Variants in BUD31 observed in about 807,000 individuals in gnomAD.
BUD31 encodes BUD31 spliceosome associated protein.
Under a neutral mutation model 17.9 loss-of-function variants are expected in BUD31, and 9 were observed. The ratio of observed to expected loss-of-function variants is 0.50; its 90% CI spans 0.30 to 0.88. The LOEUF is 0.88. Among genes scored for constraint, BUD31 ranks in the 40% least tolerant of loss-of-function variants. BUD31 has a pLI of 0.06. For missense variants in BUD31, 148 were observed against 184.5 expected (o/e 0.80, Z 1.15); for synonymous variants, 70 against 64.7 (o/e 1.08, Z -0.39).
Position 99,409,059 on chromosome 7 carries a change from C to T in BUD31, c.-352C>T, listed in dbSNP as rs986471645. 1.3e-5 allele frequency: 2 copies of T among 152,340 alleles called. No individual in the cohort carries two copies. Among genetic ancestry groups the T allele is most frequent in the Non-Finnish European group, 2.9e-5 (2 of 68,152 alleles). 9.4% of individuals were successfully genotyped at this position (152,340 alleles called of 1,614,324 possible). On this transcript the variant is annotated 5_prime_UTR_variant, in exon 1 of 6. Transcript: ENST00000222969. ...CTTGGCAACGGCTGAGGCGGGAGAC[C>T]GGTGGTCTGCACCGTCCTGGAGGGA...
At chr7:99,419,310 G>C in intron 5 of BUD31, 81 bp from the exon 6 acceptor site, 1 of 1,533,942 alleles carries the variant, frequency 6.5e-7, no homozygotes. Context: ...CAGGTCCTTC[G>C]TGGGAGGGTT....
intron 2 of BUD31, among the ~76,000 whole-genome samples, chr7:99,410,519 C>A (rs1011974401): frequency 4.6e-5 from 7 of 152,034 alleles, no homozygotes; most frequent in African/African-American, 1.7e-4. Flanking sequence ...GAATTACAGG[C>A]ATGAGCCACC....
rs374935741 is a variant in BUD31, at chr7:99,416,226, C to T, written c.183C>T (p.Phe61=). The T allele has an allele frequency of 6.8e-6, 11 of 1,613,992 alleles. No individual in the cohort carries two copies. The highest frequency in any genetic ancestry group is 6.7e-5 in the East Asian group (3 of 44,874). The change falls in exon 4 of 6, where the codon TTC becomes TTT. Residue 61 remains phenylalanine (F), a synonymous_variant. Transcript: ENST00000222969. ...ACCACCAGAAAACCCGCTACATCTT[C>T]GACCTCTTTTACAAGCGGAAAGCCA... The part of the protein sequence containing the change: ...RIHHQKTRYI[F]DLFYKRKAIS...
chr7:99,419,524 G>A lies in BUD31; in HGVS notation c.*83G>A, dbSNP rs1026103588. 100 of 1,514,172 alleles carry A rather than the reference G, an allele frequency of 6.6e-5. No individual in the cohort carries two copies. Among genetic ancestry groups the A allele is most frequent in the African/African-American group, 5.5e-4 (40 of 72,950 alleles). The allele number at this position is 1,514,172 out of a possible 1,614,324, so 93.8% of individuals were successfully genotyped here. ...CCCCTTCCTGGGAGCAGCGAGCAGT[G>A]CCCCAGGCCCGAGTTGGAGCACGGT... is the stretch of plus-strand genomic sequence containing the variant. On this transcript the variant is annotated 3_prime_UTR_variant, in exon 6 of 6. Coordinates refer to ENST00000222969, the MANE Select transcript of BUD31 (RefSeq NM_003910.4).
rs201819684 is a variant in BUD31, at chr7:99,415,250, A to AC, written c.95-886dup. ...CAAAGGGGCAGGATAAGCAGTGTGA[A>AC]CCATCTCCAATGATAGGTAAGGCCA... On this transcript the variant is annotated intron_variant, in intron 3 of 5. Transcript: ENST00000222969. The AC allele has an allele frequency of 3.5e-3, 1,614 of 456,238 alleles. 26 individuals are homozygous for AC. The highest frequency in any genetic ancestry group is 0.029 in the African/African-American group (1,433 of 50,068). The allele number at this position is 456,238 out of a possible 1,614,324, so 28.3% of individuals were successfully genotyped here. A position where few individuals can be genotyped will look rare whatever the true frequency, so the allele number is the denominator to read the frequency against.
At chr7:99,417,905 A>G in intron 5 of BUD31, 1 of 1,317,916 alleles carries the variant, frequency 7.6e-7, no homozygotes, top group Non-Finnish European at 9.8e-7. Flanking sequence ...ACATCAGGGA[A>G]GGACAACCAG....
At position 99,411,885 on chromosome 7, in the gene BUD31, T is replaced by A. The variant is rs112720444; in HGVS notation, c.94+699T>A. The stretch of plus-strand genomic sequence containing the variant: ...CCATGCCCGGCTAATTTTTGTATTT[T>A]TAGTAGAGATGGGTTTCTCCATGTT... On this transcript the variant is annotated intron_variant, in intron 3 of 5. Coordinates refer to ENST00000222969, the MANE Select transcript of BUD31 (RefSeq NM_003910.4). The A allele has an allele frequency of 3.1e-3, 1,057 of 345,578 alleles. 13 individuals carry two copies. Among genetic ancestry groups the A allele is most frequent in the African/African-American group, 0.022 (1,004 of 45,708 alleles). 21.4% of individuals were successfully genotyped at this position (345,578 alleles called of 1,614,324 possible). A position where few individuals can be genotyped will look rare whatever the true frequency, so the allele number is the denominator to read the frequency against.
At chr7:99,417,113 G>A in intron 4 of BUD31, 1 of 271,594 alleles carries the variant, frequency 3.7e-6, no homozygotes. Flanking sequence ...CTGGAGTCCA[G>A]TGGCACGACC....
chr7:99,415,294 TG>T (rs1189498336), intron 3 of BUD31: 1 of 455,548 alleles, frequency 2.2e-6, no homozygotes, highest in Admixed American at 2.4e-5. Flanking sequence ...ACGTGTCCAC[TG>T]GAAAGCGGGC....
At chr7:99,411,392 TTTTTG>T in intron 3 of BUD31, 3 of 511,798 alleles carry the variant, frequency 5.9e-6, no homozygotes, top group East Asian at 6.7e-5. Flanking sequence ...AAGGTGTTTT[TTTTTG>T]TTTTTGTTTT....
At chr7:99,417,797 G>T (rs1328284938) in intron 5 of BUD31, 27 of 1,518,314 alleles carry the variant, frequency 1.8e-5, no homozygotes, top group Non-Finnish European at 2.2e-5. Flanking sequence ...TTAGGTCTGG[G>T]GTCAATCTCA....
At position 99,419,516 on chromosome 7, in the gene BUD31, C is replaced by T. The variant is rs147643455; in HGVS notation, c.*75C>T. The T allele has an allele frequency of 4.3e-3, 6,714 of 1,554,236 alleles. 22 individuals are homozygous for T. The highest frequency in any genetic ancestry group is 5.3e-3 in the Non-Finnish European group (5,981 of 1,135,316). On this transcript the variant is annotated 3_prime_UTR_variant, in exon 6 of 6. Transcript: ENST00000222969. ...CACGCCACCCCCTTCCTGGGAGCAG[C>T]GAGCAGTGCCCCAGGCCCGAGTTGG...
chr7:99,415,126 A>C (rs1240301916), intron 3 of BUD31: 1 of 439,104 alleles, frequency 2.3e-6, no homozygotes, highest in African/African-American at 2.1e-5. Context: ...ACACAAGACA[A>C]AGAGATAAAA....
At chr7:99,409,436 T>C (rs1226873224) in intron 1 of BUD31, among the ~76,000 whole-genome samples, 191 bp downstream of exon 1, 4 of 151,972 alleles carry the variant, frequency 2.6e-5, no homozygotes, top group Non-Finnish European at 5.9e-5. Flanking sequence ...ACGTCCTCTT[T>C]CTCCTCGATC....
At chr7:99,418,040 T>A in intron 5 of BUD31, 1 of 1,090,234 alleles carries the variant, frequency 9.2e-7, no homozygotes. Flanking sequence ...CCATCTTGGC[T>A]CACTGCAACC....
intron 1 of BUD31, among the ~76,000 whole-genome samples, chr7:99,409,769 C>CGGGGGG (rs370621425): frequency 3.1e-4 from 15 of 48,748 alleles, no homozygotes; most frequent in African/African-American, 6.3e-4. Flanking sequence ...GCTCTGTGGG[C>CGGGGGG]GGGGGGGGGG....
intron 3 of BUD31, chr7:99,415,374 CT>C (rs1359730453): frequency 9.6e-6 from 4 of 416,422 alleles, no homozygotes; most frequent in Non-Finnish European, 1.9e-5. Context: ...TTATCAGAGA[CT>C]TTTAGTACTT....
At chr7:99,411,345 C>T (rs1405862793) in intron 3 of BUD31, 159 bp downstream of exon 3, 4 of 552,640 alleles carry the variant, frequency 7.2e-6, no homozygotes, top group East Asian at 3.1e-5. Context: ...TGTAAGTGCC[C>T]GAAAATAAGA....
intron 2 of BUD31, among the ~76,000 whole-genome samples, chr7:99,410,394 A>ATTT (rs111796919): frequency 4.8e-5 from 6 of 124,142 alleles, no homozygotes; most frequent in African/African-American, 1.6e-4. Context: ...AATTTTTTTG[A>ATTT]TTTTTTTTTT....
Sources: allele counts gnomAD v4.1 joint callset (sites outside exome capture counted in the v4.1 genomes callset), GRCh38; gene constraint gnomAD v4.1.1; transcripts MANE v1.5; gene names NCBI Gene and HGNC (gene_info 2026-07-23, HGNC 2026-07-21).